The following AK9 variants were observed in gnomAD, a reference collection of about 807,000 sequenced individuals.
AK9 encodes adenylate kinase 9.
In AK9, 191 loss-of-function variants were observed where a neutral mutation model predicts 239.6. The ratio of observed to expected loss-of-function variants is 0.80; its 90% CI spans 0.71 to 0.90. The LOEUF is 0.90. AK9 is among the 40% of genes least tolerant of loss of function. AK9 has a pLI of 0.00. For missense variants in AK9, 1,995 were observed against 2,214.7 expected, an observed-to-expected ratio of 0.90 and a Z score of 1.99; for synonymous variants, 689 against 721.0, an observed-to-expected ratio of 0.96 and a Z score of 0.71.
rs113373663 is a variant in AK9 at position 109,502,163 on chromosome 6, G to A, written c.4850-2923C>T. On this transcript the variant is annotated intron_variant, in intron 35 of 40. Coordinates refer to ENST00000424296, the MANE Select transcript of AK9 (RefSeq NM_001145128.3). ...CTCCCCCATGTGTGGGCTGGACTGA[G>A]TAACTTGCTTCGAATAAACAGAATA... 5.4e-3 allele frequency among the ~76,000 whole-genome samples: 825 copies of A among 152,272 alleles called. 9 individuals are homozygous for A. The highest frequency in any genetic ancestry group is 0.019 in the African/African-American group (775 of 41,530).
chr6:109,512,382 G>A (rs949607838), intron 32 of AK9, among the ~76,000 whole-genome samples: 6 of 152,252 alleles, frequency 3.9e-5, no homozygotes, highest in South Asian at 2.1e-4. Context: ...AACCCTGGGG[G>A]CTGCTGTGTC....
intron 39 of AK9, among the ~76,000 whole-genome samples, chr6:109,494,727 G>A (rs1776859203): frequency 1.3e-5 from 2 of 152,146 alleles, no homozygotes; most frequent in South Asian, 4.1e-4. Context: ...GTTTGACATT[G>A]TGCCCTAAGC....
intron 27 of AK9, among the ~76,000 whole-genome samples, chr6:109,540,014 C>CT (rs1476156002): frequency 6.6e-6 from 1 of 152,144 alleles, no homozygotes; most frequent in Non-Finnish European, 1.5e-5. Flanking sequence ...ACTGCCCCTA[C>CT]TGGGGGGTGC....
Position 109,579,550 on chromosome 6 carries a change from C to T in AK9, c.2191G>A (p.Glu731Lys). 6.4e-7 allele frequency: 1 copy of T among 1,551,028 alleles called. No individual in the cohort carries two copies. The highest frequency in any genetic ancestry group is 8.7e-7 in the Non-Finnish European group (1 of 1,146,412). The change falls in exon 20 of 41, where the codon GAA (glutamate) becomes AAA (lysine). Residue 731 changes from glutamate (E) to lysine (K), a missense_variant and splice_region_variant. Transcript: ENST00000424296. Reference protein sequence around the residue: ...LLELMKVKAKEAEETDNEDEE... With the variant: ...LLELMKVKAKKAEETDNEDEE... ...ATCAGTCATAGCAATCTGTGCTTGC[C>T]TTTTGCCTTCACTTTCATAAGTTCC... is the stretch of plus-strand genomic sequence containing the variant.
At chr6:109,498,770 T>G (rs1168557915) in intron 36 of AK9, among the ~76,000 whole-genome samples, 2 of 152,258 alleles carry the variant, frequency 1.3e-5, no homozygotes, top group African/African-American at 4.8e-5. Context: ...ATCTCTTCCA[T>G]TGATGGGGCT....
intron 19 of AK9, among the ~76,000 whole-genome samples, chr6:109,584,064 G>A (rs907372795): frequency 1.3e-5 from 2 of 152,108 alleles, no homozygotes; most frequent in African/African-American, 4.8e-5. Context: ...CTGAATTAAA[G>A]TACTGTTTGG....
chr6:109,527,204 A>C (rs1398296302), intron 29 of AK9, among the ~76,000 whole-genome samples: 1 of 152,134 alleles, frequency 6.6e-6, no homozygotes, highest in African/African-American at 2.4e-5. Context: ...AGATGGCGAC[A>C]TTTCCCTATG....
intron 29 of AK9, among the ~76,000 whole-genome samples, chr6:109,519,863 T>A (rs2128121099): frequency 6.6e-6 from 1 of 152,238 alleles, no homozygotes; most frequent in East Asian, 1.9e-4. Context: ...TTAGTGACAC[T>A]GAGCATTTGT....
chr6:109,504,578 G>A (rs375017913), intron 35 of AK9, among the ~76,000 whole-genome samples: 2 of 152,254 alleles, frequency 1.3e-5, no homozygotes, highest in East Asian at 3.9e-4. Context: ...GGAGGCAGAG[G>A]AGGGTGGATC....
Position 109,532,372 on chromosome 6 carries a change from A to T in AK9, c.3570+879T>A, listed in dbSNP as rs146140250. ...TCTCTTCGGTATGAAAGCCCTTCAGACGTTTAACACTGCTCTCATGCTTCA... is the reference window on the plus strand; with the variant it reads ...TCTCTTCGGTATGAAAGCCCTTCAGTCGTTTAACACTGCTCTCATGCTTCA... On this transcript the variant is annotated intron_variant, in intron 28 of 40. Transcript: ENST00000424296. Among the ~76,000 whole-genome samples the T allele has an allele frequency of 5.6e-4, 85 of 152,296 alleles. 1 individual carries two copies. In the East Asian group the frequency reaches 0.016, roughly 28 times the overall value.
chr6:109,601,146 C>G (rs1791893985), intron 17 of AK9, among the ~76,000 whole-genome samples: 1 of 152,152 alleles, frequency 6.6e-6, no homozygotes. Context: ...TCTTGTTTCT[C>G]TAGTTCTTTT....
At chr6:109,600,405 G>A (rs1791763168) in intron 17 of AK9, among the ~76,000 whole-genome samples, 1 of 152,150 alleles carries the variant, frequency 6.6e-6, no homozygotes, top group Non-Finnish European at 1.5e-5. Context: ...TATTGAACCA[G>A]CCTTGCATCC....
At chr6:109,498,630 T>C (rs997217918) in intron 36 of AK9, among the ~76,000 whole-genome samples, 3 of 152,212 alleles carry the variant, frequency 2.0e-5, no homozygotes, top group Admixed American at 6.5e-5. Context: ...GTTCTAGTGA[T>C]AGAAAAAAAA....
chr6:109,493,608 CTAGT>C, intron 40 of AK9, 37 bp from the exon 41 acceptor site: 4 of 1,558,224 alleles, frequency 2.6e-6, no homozygotes, highest in East Asian at 2.2e-5. Flanking sequence ...ATAATTTCTG[CTAGT>C]TAGTGAGTCA....
rs1777240548 is a variant in AK9 at position 109,497,954 on chromosome 6, C to G, written c.5058G>C (p.Glu1686Asp). Reference protein sequence around the residue: ...SSQEKLNKFLENPELYVPPLA... With the variant: ...SSQEKLNKFLDNPELYVPPLA... ...AGGGAGGCACGTACAATTCTGGGTT[C>G]TCCAAGAATTTCTATTAAAAAAGAA... The change falls in exon 37 of 41, where the codon GAG becomes GAC. Residue 1686 changes from glutamate (E) to aspartate (D), a missense_variant. Transcript: ENST00000424296. 1 of 1,613,210 alleles carries G rather than the reference C, an allele frequency of 6.2e-7. No individual in the cohort carries two copies. The highest frequency in any genetic ancestry group is 1.7e-5 in the Admixed American group (1 of 59,958).
At chr6:109,559,049 C>T (rs544778360) in intron 24 of AK9, among the ~76,000 whole-genome samples, 36 of 151,792 alleles carry the variant, frequency 2.4e-4, no homozygotes, top group East Asian at 7.8e-4. Flanking sequence ...AGGGGGGGTT[C>T]GCCATGTTGG....
chr6:109,550,320 AG>A lies in AK9; in HGVS notation c.2752-19del. On this transcript the variant is annotated intron_variant, in intron 24 of 40. Coordinates refer to ENST00000424296, the MANE Select transcript of AK9 (RefSeq NM_001145128.3). ...TCTTCACCCTAGAAACGGTATTCAA[AG>A]TTTGGAGAACATTAAACTAAAAAAG... 6.3e-7 allele frequency: 1 copy of A among 1,586,180 alleles called. No homozygotes were observed. The highest frequency in any genetic ancestry group is 1.1e-5 in the South Asian group (1 of 87,376).
chr6:109,629,748 TC>T (rs1795926102), intron 12 of AK9, among the ~76,000 whole-genome samples: 1 of 152,030 alleles, frequency 6.6e-6, no homozygotes, highest in Admixed American at 6.6e-5. Flanking sequence ...TTCTCCTGCC[TC>T]AGCCTCCCGA....
At chr6:109,623,803 C>T (rs1234041825) in intron 12 of AK9, among the ~76,000 whole-genome samples, 1 of 149,790 alleles carries the variant, frequency 6.7e-6, no homozygotes, top group Non-Finnish European at 1.5e-5. Flanking sequence ...TTTAAATAAT[C>T]TGAAATTACC....
Sources: allele counts gnomAD v4.1 joint callset (sites outside exome capture counted in the v4.1 genomes callset), GRCh38; gene constraint gnomAD v4.1.1; transcripts MANE v1.5; gene names NCBI Gene and HGNC (gene_info 2026-07-23, HGNC 2026-07-21).